The following UGT1A7 variants were observed in gnomAD, a reference collection of about 807,000 sequenced individuals.
UGT1A7 encodes the protein UDP glucuronosyltransferase family 1 member A7, also known as UDP-glucuronosyltransferase 1A7.
In UGT1A7, 33 loss-of-function variants were observed where a neutral mutation model predicts 45.6. That is an observed-to-expected ratio of 0.72 (90% CI 0.55 to 0.97). UGT1A7 has a LOEUF of 0.97. Among genes scored for constraint, UGT1A7 ranks in the 50% least tolerant of loss-of-function variants. The pLI is 0.00. For missense variants in UGT1A7, 684 were observed against 666.2 expected (o/e 1.03, Z -0.29); for synonymous variants, 274 against 250.6 (o/e 1.09, Z -0.88).
At chr2:233,747,632 C>G in intron 1 of UGT1A7, 1 of 1,580,404 alleles carries the variant, frequency 6.3e-7, no homozygotes, top group Non-Finnish European at 8.7e-7. Context: ...TGATCAGGCA[C>G]CTGAATGCTA....
intron 1 of UGT1A7, chr2:233,718,709 A>G (rs1203435699): frequency 2.2e-5 from 36 of 1,605,634 alleles, no homozygotes; most frequent in Non-Finnish European, 2.1e-5. Context: ...TTGTCTTCCA[A>G]TTACATGCTG....
Position 233,693,543 on chromosome 2 carries a change from A to G in UGT1A7, c.855+10751A>G, listed in dbSNP as rs1029144011. 1.9e-6 allele frequency: 3 copies of G among 1,614,186 alleles called. No individual in the cohort carries two copies. The African/African-American group carries it at 4.0e-5, about 22-fold the overall frequency. On this transcript the variant is annotated intron_variant, in intron 1 of 4. Transcript: ENST00000373426. ...AGGGGTTTTCCGTGTTCCCTGGAGC[A>G]TACATTCAGCAGAAGCCCAGACCCT...
At chr2:233,731,107 A>T (rs1222432137) in intron 1 of UGT1A7, among the ~76,000 whole-genome samples, 4 of 151,962 alleles carry the variant, frequency 2.6e-5, no homozygotes, top group Admixed American at 2.6e-4. Flanking sequence ...CTTTTTTATA[A>T]ATGTAGGTAT....
chr2:233,713,398 C>A (rs1193578945), intron 1 of UGT1A7: 1 of 1,613,966 alleles, frequency 6.2e-7, no homozygotes, highest in African/African-American at 1.3e-5. Context: ...CATAATGAGG[C>A]CCTGATCAGG....
intron 1 of UGT1A7, chr2:233,717,919 A>G (rs549898457): frequency 4.4e-6 from 2 of 454,776 alleles, no homozygotes; most frequent in Admixed American, 2.3e-5. Flanking sequence ...GCCTGGATGA[A>G]TGGATACTTC....
At chr2:233,748,134 A>G (rs747605529) in intron 1 of UGT1A7, 15 of 1,609,728 alleles carry the variant, frequency 9.3e-6, no homozygotes, top group Non-Finnish European at 1.3e-5. Flanking sequence ...GTTTTTAAAA[A>G]TTGTATTTAC....
At chr2:233,755,311 C>T (rs1380738778) in intron 1 of UGT1A7, 2 of 555,594 alleles carry the variant, frequency 3.6e-6, no homozygotes, top group South Asian at 1.8e-5. Flanking sequence ...GCACAGCGAG[C>T]GGCAAGGCTG....
intron 1 of UGT1A7, chr2:233,755,429 C>T (rs1352884628): frequency 3.1e-6 from 1 of 319,032 alleles, no homozygotes; most frequent in Non-Finnish European, 6.1e-6. Flanking sequence ...CGCCTCGCAT[C>T]CCAAGATGCA....
chr2:233,760,379 T>G lies in UGT1A7; in HGVS notation c.856-6655T>G. On this transcript the variant is annotated intron_variant, in intron 1 of 4. Transcript: ENST00000373426. Reference sequence around the variant, plus strand: ...GTGGTGTCCCATGCTGGGAAGATACTGTTGATCCCAGTGGATGGCAGCCAC... The same window carrying G: ...GTGGTGTCCCATGCTGGGAAGATACGGTTGATCCCAGTGGATGGCAGCCAC... 6.2e-7 allele frequency: 1 copy of G among 1,614,196 alleles called. No homozygotes were observed. Among genetic ancestry groups the G allele is most frequent in the Non-Finnish European group, 8.5e-7 (1 of 1,180,016 alleles).
chr2:233,732,874 G>A (rs1220552637), intron 1 of UGT1A7, among the ~76,000 whole-genome samples: 1 of 151,670 alleles, frequency 6.6e-6, no homozygotes, highest in Non-Finnish European at 1.5e-5. Context: ...GATGGGTTTG[G>A]CATTGAATCT....
rs73999011 is a variant in UGT1A7, at chr2:233,757,577, C to G, written c.856-9457C>G. 5.1e-3 allele frequency among the ~76,000 whole-genome samples: 424 copies of G among 82,900 alleles called. 2 individuals are homozygous for G. Among genetic ancestry groups the G allele is most frequent in the African/African-American group, 0.022 (407 of 18,728 alleles). The allele number at this position is 82,900 out of a possible 152,430, so 54.4% of individuals were successfully genotyped here. On this transcript the variant is annotated intron_variant, in intron 1 of 4. Transcript: ENST00000373426. ...ATATATATATGTATATATGATATAGCTATAGTCTAATAGCAAGGACAGATA... is the reference window on the plus strand; with the variant it reads ...ATATATATATGTATATATGATATAGGTATAGTCTAATAGCAAGGACAGATA...
intron 1 of UGT1A7, among the ~76,000 whole-genome samples, chr2:233,714,278 A>C (rs2076377797): frequency 6.6e-6 from 1 of 152,138 alleles, no homozygotes. Flanking sequence ...TGACGTGACA[A>C]TTTTTAGTGG....
chr2:233,760,863 C>A, intron 1 of UGT1A7: 1 of 1,614,134 alleles, frequency 6.2e-7, no homozygotes, highest in Non-Finnish European at 8.5e-7. Flanking sequence ...CATTCTCCTA[C>A]GTGCCCAGGC....
chr2:233,761,696 T>G (rs1228722840), intron 1 of UGT1A7, among the ~76,000 whole-genome samples: 1 of 152,214 alleles, frequency 6.6e-6, no homozygotes, highest in East Asian at 1.9e-4. Context: ...TACAGAAAGG[T>G]TGTAGGTTTC....
chr2:233,772,211 T>C, intron 4 of UGT1A7, 51 bp from the exon 5 acceptor site: 2 of 1,610,790 alleles, frequency 1.2e-6, no homozygotes, highest in Non-Finnish European at 1.7e-6. Flanking sequence ...AAAGAGAGGA[T>C]TGTTCATACC....
In UGT1A7 at chr2:233,768,392, T is replaced by G. The variant is rs761552961; in HGVS notation, c.1248T>G (p.Thr416=). The G allele has an allele frequency of 1.2e-6, 2 of 1,614,156 alleles. No homozygotes were observed. Among genetic ancestry groups the G allele is most frequent in the Non-Finnish European group, 1.7e-6 (2 of 1,180,042 alleles). Residue 416 remains threonine, a synonymous_variant, in exon 4 of 5, where the codon ACT becomes ACG. Coordinates refer to ENST00000373426, the MANE Select transcript of UGT1A7 (RefSeq NM_019077.3). Reference sequence around the variant, plus strand: ...TGACCCTGAATGTTCTGGAAATGACTTCTGAAGATTTAGAAAATGCTCTAA... The same window carrying G: ...TGACCCTGAATGTTCTGGAAATGACGTCTGAAGATTTAGAAAATGCTCTAA... ...AGVTLNVLEM[T]SEDLENALKA...
At chr2:233,713,499 G>T (rs1453599075) in intron 1 of UGT1A7, 4 of 1,614,000 alleles carry the variant, frequency 2.5e-6, no homozygotes, top group Middle Eastern at 1.7e-4. Flanking sequence ...GATTCCTGCT[G>T]TGTTTTTCTT....
chr2:233,694,567 T>C (rs1308269202), intron 1 of UGT1A7, among the ~76,000 whole-genome samples: 1 of 152,220 alleles, frequency 6.6e-6, no homozygotes, highest in Non-Finnish European at 1.5e-5. Context: ...GAGTTTTAAA[T>C]TTCAATGTAA....
intron 1 of UGT1A7, among the ~76,000 whole-genome samples, chr2:233,698,342 CA>C (rs1389818502): frequency 6.6e-6 from 1 of 152,196 alleles, no homozygotes; most frequent in Non-Finnish European, 1.5e-5. Flanking sequence ...GTGTCAGTTG[CA>C]AAACATGAAT....
Sources: gnomAD v4.1 joint callset for allele counts (sites outside exome capture counted in the v4.1 genomes callset) on GRCh38, gnomAD v4.1.1 for gene constraint, MANE v1.5 for transcripts, NCBI Gene and HGNC (gene_info 2026-07-23, HGNC 2026-07-21) for gene names.